Variants in SMAD5 observed in about 807,000 individuals in gnomAD.
The protein encoded by SMAD5 is SMAD family member 5.
Under a neutral mutation model 43.1 loss-of-function variants are expected in SMAD5, and 9 were observed. That is an observed-to-expected ratio of 0.21 (90% CI 0.13 to 0.36). SMAD5 has a LOEUF of 0.36. Ranked by LOEUF, SMAD5 falls within the 10% of genes least tolerant of loss-of-function variation. The pLI is 1.00. For synonymous variants in SMAD5, 190 were observed against 192.4 expected, an observed-to-expected ratio of 0.99 and a Z score of 0.10; for missense variants, 348 against 574.0, an observed-to-expected ratio of 0.61 and a Z score of 4.02.
At chr5:136,172,708 GC>G in intron 6 of SMAD5, 53 bp downstream of exon 6, 2 of 1,220,702 alleles carry the variant, frequency 1.6e-6, no homozygotes, top group Admixed American at 3.4e-5. Flanking sequence ...TGTTGTACTT[GC>G]CATGAACCAT....
chr5:136,151,053 A>G (rs1471938570), intron 2 of SMAD5, among the ~76,000 whole-genome samples: 1 of 152,028 alleles, frequency 6.6e-6, no homozygotes, highest in African/African-American at 2.4e-5. Context: ...ATCTATAAAT[A>G]ACAATTTTTT....
At chr5:136,137,233 C>T (rs895477768) in intron 1 of SMAD5, among the ~76,000 whole-genome samples, 1 of 147,018 alleles carries the variant, frequency 6.8e-6, no homozygotes, top group African/African-American at 2.5e-5. Context: ...ATTAACATAA[C>T]ATTTTGTAAC....
At chr5:136,167,459 G>T (rs1754060988) in intron 5 of SMAD5, among the ~76,000 whole-genome samples, 1 of 151,936 alleles carries the variant, frequency 6.6e-6, no homozygotes. Flanking sequence ...TCAGAATTGA[G>T]TTTTAAAAGT....
intron 3 of SMAD5, among the ~76,000 whole-genome samples, chr5:136,157,340 C>G (rs1753671186): frequency 6.6e-6 from 1 of 152,120 alleles, no homozygotes; most frequent in South Asian, 2.1e-4. Flanking sequence ...ATACAGTGCA[C>G]CCTAAGCTTT....
intron 1 of SMAD5, among the ~76,000 whole-genome samples, chr5:136,143,797 G>T (rs948089544): frequency 5.3e-5 from 8 of 151,742 alleles, no homozygotes; most frequent in Admixed American, 2.0e-4. Flanking sequence ...GCAGGGGAGG[G>T]GTAGAATCTG....
chr5:136,166,952 G>T (rs1754037887), intron 5 of SMAD5, among the ~76,000 whole-genome samples: 1 of 152,148 alleles, frequency 6.6e-6, no homozygotes, highest in South Asian at 2.1e-4. Flanking sequence ...CACCTTTGTA[G>T]ATACCTTTTT....
rs751584147 is a variant in SMAD5 at position 136,163,337 on chromosome 5, A to C, written c.721A>C (p.Met241Leu). ...GATGGGTCAAGATAATTCCCAGCCT[A>C]TGGATACAAGCAATAATATGATTCC... is the stretch of plus-strand genomic sequence containing the variant. Reference protein sequence around the residue: ...DQMGQDNSQPMDTSNNMIPQI... With the variant: ...DQMGQDNSQPLDTSNNMIPQI... Residue 241 changes from methionine (M) to leucine (L), a missense_variant, in exon 5 of 8, where the codon ATG (methionine) becomes CTG (leucine). By Grantham distance (15) the Met-to-Leu change is conservative. Transcript: ENST00000545279. The C allele has an allele frequency of 6.8e-6, 11 of 1,611,614 alleles. No homozygotes were observed. Among genetic ancestry groups the C allele is most frequent in the Admixed American group, 6.7e-5 (4 of 59,956 alleles).
At chr5:136,139,539 CAT>C (rs1044211001) in intron 1 of SMAD5, among the ~76,000 whole-genome samples, 1 of 152,096 alleles carries the variant, frequency 6.6e-6, no homozygotes, top group Non-Finnish European at 1.5e-5. Context: ...TACTGTCTTT[CAT>C]ATGTCTGCTG....
rs965087338 is a variant in SMAD5, at chr5:136,180,565, T to G, written c.*3085T>G. 1 of 152,190 alleles carries G rather than the reference T, an allele frequency of 6.6e-6. No individual in the cohort carries two copies. Among genetic ancestry groups the G allele is most frequent in the Non-Finnish European group, 1.5e-5 (1 of 67,992 alleles). The allele number at this position is 152,190 out of a possible 1,614,324, so 9.4% of individuals were successfully genotyped here. ...CAGTATTGGTCTGGTCAGTATTGCC[T>G]GGCTGACGTGAAATGTAAACTAGTA... On this transcript the variant is annotated 3_prime_UTR_variant, in exon 8 of 8. Transcript: ENST00000545279.
chr5:136,169,893 G>A (rs1023306909), intron 5 of SMAD5, among the ~76,000 whole-genome samples: 6 of 152,076 alleles, frequency 3.9e-5, no homozygotes, highest in African/African-American at 1.4e-4. Flanking sequence ...CTTTTCACAT[G>A]CTTACTTGAC....
intron 1 of SMAD5, among the ~76,000 whole-genome samples, chr5:136,141,193 T>G (rs939012557): frequency 1.3e-5 from 2 of 152,118 alleles, no homozygotes; most frequent in South Asian, 4.1e-4. Context: ...ATTTGTAATA[T>G]CTGAGGTTCA....
At chr5:136,154,184 G>A (rs1304399130) in intron 3 of SMAD5, 21 bp downstream of exon 3, 1 of 1,431,440 alleles carries the variant, frequency 7.0e-7, no homozygotes, top group Non-Finnish European at 9.2e-7. Context: ...TTCCTGAGAA[G>A]AATTTGGAAA....
intron 1 of SMAD5, among the ~76,000 whole-genome samples, chr5:136,142,335 G>A (rs1284917702): frequency 2.0e-5 from 3 of 152,128 alleles, no homozygotes; most frequent in Non-Finnish European, 4.4e-5. Context: ...TGAGGTGTGT[G>A]TGTGTTTTGT....
intron 1 of SMAD5, chr5:136,133,389 T>G (rs1172186322): frequency 2.6e-5 from 4 of 152,552 alleles, no homozygotes; most frequent in African/African-American, 9.6e-5. Flanking sequence ...CAGCCTGGGC[T>G]GCTGCACTGC....
intron 4 of SMAD5, among the ~76,000 whole-genome samples, chr5:136,162,307 G>A (rs556399184): frequency 3.3e-5 from 5 of 152,292 alleles, no homozygotes; most frequent in African/African-American, 4.8e-5. Flanking sequence ...TCACACAGAC[G>A]TGGCCCTGGC....
chr5:136,155,883 AT>A (rs1024738124), intron 3 of SMAD5, among the ~76,000 whole-genome samples: 1 of 151,988 alleles, frequency 6.6e-6, no homozygotes, highest in Non-Finnish European at 1.5e-5. Context: ...TGCTCAGTAA[AT>A]TTTTTTTATA....
At chr5:136,137,414 T>A (rs749369103) in intron 1 of SMAD5, among the ~76,000 whole-genome samples, 3 of 152,148 alleles carry the variant, frequency 2.0e-5, no homozygotes, top group Middle Eastern at 3.2e-3. Flanking sequence ...ATACCGAAAA[T>A]AATAGAAAAA....
Position 136,179,410 on chromosome 5 carries a change from T to C in SMAD5, c.*1930T>C, listed in dbSNP as rs1241421897. Reference sequence around the variant, plus strand: ...AAAGTATATGGAGTCATATCATTCTTCTGTTTAAAATGTTAGTTTGGTTTG... The same window carrying C: ...AAAGTATATGGAGTCATATCATTCTCCTGTTTAAAATGTTAGTTTGGTTTG... On this transcript the variant is annotated 3_prime_UTR_variant, in exon 8 of 8. Transcript: ENST00000545279. 1.3e-5 allele frequency: 2 copies of C among 152,660 alleles called. No individual in the cohort carries two copies. Among genetic ancestry groups the C allele is most frequent in the Admixed American group, 6.5e-5 (1 of 15,286 alleles). The allele number at this position is 152,660 out of a possible 1,614,324, so 9.5% of individuals were successfully genotyped here.
intron 5 of SMAD5, among the ~76,000 whole-genome samples, chr5:136,167,115 T>A (rs1213438752): frequency 2.0e-5 from 3 of 152,184 alleles, no homozygotes; most frequent in Non-Finnish European, 2.9e-5. Context: ...GAGGCAGTGC[T>A]TTTCTGGTTC....
Sources: allele counts gnomAD v4.1 joint callset (sites outside exome capture counted in the v4.1 genomes callset), GRCh38; gene constraint gnomAD v4.1.1; transcripts MANE v1.5; gene names NCBI Gene and HGNC (gene_info 2026-07-23, HGNC 2026-07-21).